Variants in NOS1AP observed in about 807,000 individuals in gnomAD.
The protein encoded by NOS1AP is carboxyl-terminal PDZ ligand of neuronal nitric oxide synthase protein.
NOS1AP carries 21 observed loss-of-function variants against 56.2 expected under a neutral mutation model. The observed-to-expected ratio is 0.37, with a 90% CI of 0.26 to 0.54. The LOEUF (loss-of-function observed/expected upper bound fraction) is 0.54. Ranked by LOEUF, NOS1AP falls within the 20% of genes least tolerant of loss-of-function variation. The pLI is 0.84. For synonymous variants in NOS1AP, 270 were observed against 274.6 expected, an observed-to-expected ratio of 0.98 and a Z score of 0.17; for missense variants, 522 against 657.8, an observed-to-expected ratio of 0.79 and a Z score of 2.26.
chr1:162,145,901 G>A (rs1296145498), intron 1 of NOS1AP, among the ~76,000 whole-genome samples: 5 of 152,294 alleles, frequency 3.3e-5, no homozygotes, highest in South Asian at 4.1e-4. Flanking sequence ...GAGAGAGTTT[G>A]GAAGAATGCA....
At chr1:162,262,884 T>G (rs554940531) in intron 2 of NOS1AP, among the ~76,000 whole-genome samples, 1 of 152,346 alleles carries the variant, frequency 6.6e-6, no homozygotes, top group African/African-American at 2.4e-5. Context: ...CTTTATGATT[T>G]TCAAAAGAAT....
rs758588516 is a variant in NOS1AP, at chr1:162,355,280, T to A, written c.689T>A (p.Val230Asp). ...AVEVPLPGND[V>D]LEFSRGVTDL... ...GAGGTCCCACTTCCAGGGAATGATGTCCTGGAATTCAGCCGAGGTGTGACT... is the reference window on the plus strand; with the variant it reads ...GAGGTCCCACTTCCAGGGAATGATGACCTGGAATTCAGCCGAGGTGTGACT... Residue 230 changes from valine to aspartate, a missense_variant, in exon 7 of 10, where the codon GTC (valine) becomes GAC (aspartate). Val to Asp is a radical substitution (Grantham distance 152). This residue lies in a region of NOS1AP where 178 missense variants were observed against 165.0 expected (regional missense o/e 1.08). Transcript: ENST00000361897. The A allele has an allele frequency of 1.2e-6, 2 of 1,613,928 alleles. No individual in the cohort carries two copies. Among genetic ancestry groups the A allele is most frequent in the South Asian group, 1.1e-5 (1 of 91,052 alleles).
chr1:162,144,578 T>TTTTC (rs1649375720), intron 1 of NOS1AP, among the ~76,000 whole-genome samples: 1 of 151,992 alleles, frequency 6.6e-6, no homozygotes, highest in Admixed American at 6.6e-5. Context: ...CTTTCTTTTC[T>TTTTC]TTTCTTTTCT....
intron 2 of NOS1AP, among the ~76,000 whole-genome samples, chr1:162,159,306 T>C (rs1433494470): frequency 6.6e-6 from 1 of 152,222 alleles, no homozygotes; most frequent in Non-Finnish European, 1.5e-5. Flanking sequence ...ATGTAACTGC[T>C]GTTAATCTCA....
At chr1:162,310,885 G>T (rs541108374) in intron 4 of NOS1AP, among the ~76,000 whole-genome samples, 1 of 102,688 alleles carries the variant, frequency 9.7e-6, no homozygotes, top group African/African-American at 3.7e-5. Flanking sequence ...CTCTCTGTTC[G>T]CTGACTCTCT....
At chr1:162,075,469 G>A (rs186339009) in intron 1 of NOS1AP, among the ~76,000 whole-genome samples, 4 of 152,242 alleles carry the variant, frequency 2.6e-5, no homozygotes, top group East Asian at 1.9e-4. Flanking sequence ...TTAAACATAC[G>A]GCCATGAAGG....
chr1:162,281,961 A>G (rs957560239), intron 2 of NOS1AP, among the ~76,000 whole-genome samples: 3 of 152,180 alleles, frequency 2.0e-5, no homozygotes, highest in Non-Finnish European at 4.4e-5. Context: ...TTAGCTGGGC[A>G]TGGTGGCAGG....
At chr1:162,353,773 C>T (rs147032559) in intron 6 of NOS1AP, among the ~76,000 whole-genome samples, 89 of 152,306 alleles carry the variant, frequency 5.8e-4, no homozygotes, top group Non-Finnish European at 1.1e-3. Context: ...GAGAACCAAA[C>T]GCTTAGTTCC....
chr1:162,175,886 C>A (rs1651036634), intron 2 of NOS1AP, among the ~76,000 whole-genome samples: 1 of 152,110 alleles, frequency 6.6e-6, no homozygotes. Flanking sequence ...CTACCACCAC[C>A]CATTTGCTTA....
At position 162,149,421 on chromosome 1, in the gene NOS1AP, A is replaced by G. The variant is rs893737308; in HGVS notation, c.106-4984A>G. Among the ~76,000 whole-genome samples, 21 of 152,354 alleles carry G rather than the reference A, an allele frequency of 1.4e-4. 1 individual carries two copies. The highest frequency in any genetic ancestry group is 5.1e-4 in the African/African-American group (21 of 41,582). On this transcript the variant is annotated intron_variant, in intron 1 of 9. Coordinates refer to ENST00000361897, the MANE Select transcript of NOS1AP (RefSeq NM_014697.3). ...TTAGAAGGGCCACCCTCCAGCAAGT[A>G]TGTCTGGTCTTAGATGGTGTCTTAC...
At chr1:162,237,166 C>G (rs1338112002) in intron 2 of NOS1AP, among the ~76,000 whole-genome samples, 3 of 152,274 alleles carry the variant, frequency 2.0e-5, no homozygotes, top group African/African-American at 7.2e-5. Context: ...GAGCTTCAGG[C>G]TGAAAGTCAA....
chr1:162,085,079 G>T (rs1369939967), intron 1 of NOS1AP, among the ~76,000 whole-genome samples: 3 of 151,996 alleles, frequency 2.0e-5, no homozygotes, highest in Non-Finnish European at 2.9e-5. Flanking sequence ...AGGCTTTCTT[G>T]GGACCTTTTT....
At chr1:162,277,257 C>A (rs951175589) in intron 2 of NOS1AP, among the ~76,000 whole-genome samples, 9 of 152,188 alleles carry the variant, frequency 5.9e-5, no homozygotes, top group Non-Finnish European at 8.8e-5. Flanking sequence ...AACTACTTTT[C>A]AAAGAGAGCT....
At chr1:162,315,859 G>A in intron 4 of NOS1AP, among the ~76,000 whole-genome samples, 1 of 152,086 alleles carries the variant, frequency 6.6e-6, no homozygotes, top group Admixed American at 6.5e-5. Flanking sequence ...TCTAATTAAG[G>A]TTTGTCCTTT....
intron 6 of NOS1AP, among the ~76,000 whole-genome samples, chr1:162,349,515 A>G (rs1370065854): frequency 6.6e-6 from 1 of 152,148 alleles, no homozygotes; most frequent in East Asian, 1.9e-4. Context: ...TCCTGACTCT[A>G]CCACCTTTCA....
At chr1:162,112,367 T>TA (rs143681409) in intron 1 of NOS1AP, among the ~76,000 whole-genome samples, 3,686 of 152,336 alleles carry the variant, frequency 0.024, 171 homozygotes, top group African/African-American at 0.085. Flanking sequence ...TCCTGGCCTC[T>TA]AGTGGAGGGT....
chr1:162,205,761 G>A (rs933222630), intron 2 of NOS1AP, among the ~76,000 whole-genome samples: 3 of 152,314 alleles, frequency 2.0e-5, no homozygotes, highest in East Asian at 3.9e-4. Flanking sequence ...AGCTTGGTGT[G>A]TGAGCCATCA....
intron 2 of NOS1AP, among the ~76,000 whole-genome samples, chr1:162,214,625 A>C (rs1280155861): frequency 1.3e-5 from 2 of 152,102 alleles, no homozygotes; most frequent in Non-Finnish European, 2.9e-5. Context: ...GTCAAGCTGC[A>C]TATCTTTTTA....
chr1:162,209,521 C>G (rs1652272897), intron 2 of NOS1AP, among the ~76,000 whole-genome samples: 1 of 152,166 alleles, frequency 6.6e-6, no homozygotes, highest in African/African-American at 2.4e-5. Context: ...AGGACTTGAA[C>G]AAGTCAGTTT....
Sources: allele counts gnomAD v4.1 joint callset (sites outside exome capture counted in the v4.1 genomes callset), GRCh38; gene constraint gnomAD v4.1.1; regional missense constraint gnomAD v4.1.1; transcripts MANE v1.5; gene names NCBI Gene and HGNC (gene_info 2026-07-23, HGNC 2026-07-21).